The following FHIT variants were observed in gnomAD, a reference collection of about 807,000 sequenced individuals.
FHIT encodes bis(5'-adenosyl)-triphosphatase.
Under a neutral mutation model 17.9 loss-of-function variants are expected in FHIT, and 19 were observed. The observed-to-expected ratio is 1.06, with a 90% CI of 0.74 to 1.56. The LOEUF (loss-of-function observed/expected upper bound fraction) is 1.56. FHIT is among the 40% of genes most tolerant of loss of function. The pLI, the probability that FHIT is intolerant of heterozygous loss-of-function variation, is 0.00. For missense variants in FHIT, 248 were observed against 189.2 expected (o/e 1.31, Z -1.82); for synonymous variants, 81 against 69.7 (o/e 1.16, Z -0.81).
At chr3:60,080,857 C>T (rs1703249690) in intron 5 of FHIT, 1 of 152,094 alleles carries the variant, frequency 6.6e-6, no homozygotes, top group Non-Finnish European at 1.5e-5. Context: ...GATGCAAACA[C>T]TTGGATGAAA....
intron 5 of FHIT, among the ~76,000 whole-genome samples, chr3:60,398,088 C>A (rs185064441): frequency 6.6e-6 from 1 of 151,984 alleles, no homozygotes; most frequent in South Asian, 2.1e-4. Context: ...CCAGTGTCCA[C>A]GAGCCTAATT....
intron 5 of FHIT, among the ~76,000 whole-genome samples, chr3:60,373,031 ATTT>A (rs1700399154): frequency 1.2e-5 from 1 of 84,664 alleles, no homozygotes; most frequent in Non-Finnish European, 3.5e-5. Flanking sequence ...ATCATATGAA[ATTT>A]ATTTATTTAT....
intron 5 of FHIT, among the ~76,000 whole-genome samples, chr3:60,486,637 A>C (rs987964959): frequency 1.3e-5 from 2 of 152,198 alleles, no homozygotes; most frequent in Non-Finnish European, 2.9e-5. Flanking sequence ...TATTGAAGGT[A>C]ATATTCCAGA....
At chr3:61,182,023 C>A (rs1262741553) in intron 2 of FHIT, among the ~76,000 whole-genome samples, 1 of 152,136 alleles carries the variant, frequency 6.6e-6, no homozygotes, top group Non-Finnish European at 1.5e-5. Context: ...GATCCTGGGG[C>A]TACATGCTCC....
chr3:60,257,726 G>A (rs1231710261), intron 5 of FHIT, among the ~76,000 whole-genome samples: 4 of 152,184 alleles, frequency 2.6e-5, no homozygotes, highest in South Asian at 2.1e-4. Context: ...AAAAAGGAAT[G>A]AGATCATGTC....
At chr3:59,918,758 A>C (rs1194280360) in intron 8 of FHIT, among the ~76,000 whole-genome samples, 1 of 152,200 alleles carries the variant, frequency 6.6e-6, no homozygotes, top group Non-Finnish European at 1.5e-5. Context: ...AGTCGTGGCA[A>C]CTGTATAGGC....
chr3:60,246,222 G>T (rs1340253014), intron 5 of FHIT, among the ~76,000 whole-genome samples: 3 of 151,928 alleles, frequency 2.0e-5, no homozygotes, highest in Non-Finnish European at 2.9e-5. Context: ...ATTCTTTTTA[G>T]AACAGTTATA....
chr3:60,655,607 C>T (rs2040097360), intron 4 of FHIT, among the ~76,000 whole-genome samples: 1 of 152,082 alleles, frequency 6.6e-6, no homozygotes, highest in Non-Finnish European at 1.5e-5. Context: ...AGCACATCAC[C>T]TTCATTATCA....
chr3:60,378,100 C>G (rs563095549), intron 5 of FHIT, among the ~76,000 whole-genome samples: 7 of 152,126 alleles, frequency 4.6e-5, no homozygotes, highest in Non-Finnish European at 1.0e-4. Context: ...GATCACGGCT[C>G]ACTGCGAGCT....
At chr3:60,469,782 T>A (rs2032987721) in intron 5 of FHIT, among the ~76,000 whole-genome samples, 1 of 152,216 alleles carries the variant, frequency 6.6e-6, no homozygotes, top group Non-Finnish European at 1.5e-5. Flanking sequence ...TTTCTGCCTA[T>A]CCTTGGGAAG....
chr3:60,782,235 G>GTATATATATA (rs879948599), intron 4 of FHIT, among the ~76,000 whole-genome samples: 37 of 76,218 alleles, frequency 4.9e-4, no homozygotes, highest in African/African-American at 1.6e-3. Context: ...GTGTGTGTGT[G>GTATATATATA]TGTATATATA....
In FHIT at chr3:60,349,707, A is replaced by G. The variant is rs77719998; in HGVS notation, c.103+187153T>C. The stretch of plus-strand genomic sequence containing the variant: ...CTGAGAAAAAGCAATTCAAAGATCA[A>G]TATTTCCTTTTAAATTTTACACAAC... On this transcript the variant is annotated intron_variant, in intron 5 of 9. Coordinates refer to ENST00000492590, the MANE Select transcript of FHIT (RefSeq NM_002012.4). Among the ~76,000 whole-genome samples the G allele has an allele frequency of 3.7e-3, 561 of 152,324 alleles. 5 individuals carry two copies. Among genetic ancestry groups the G allele is most frequent in the African/African-American group, 0.013 (529 of 41,592 alleles).
intron 3 of FHIT, among the ~76,000 whole-genome samples, chr3:60,926,720 G>A (rs1185877539): frequency 6.6e-6 from 1 of 152,174 alleles, no homozygotes; most frequent in Non-Finnish European, 1.5e-5. Flanking sequence ...AGAACTGAAG[G>A]AGATAGAGAC....
At chr3:60,056,018 G>A (rs1032338708) in intron 5 of FHIT, among the ~76,000 whole-genome samples, 11 of 152,144 alleles carry the variant, frequency 7.2e-5, no homozygotes, top group African/African-American at 1.9e-4. Flanking sequence ...TCTCATTTAC[G>A]TCCTTTAAAA....
intron 4 of FHIT, among the ~76,000 whole-genome samples, chr3:60,591,392 TGA>T (rs35583705): frequency 0.35 from 53,397 of 151,670 alleles, 9,519 homozygotes; most frequent in Middle Eastern, 0.51. Flanking sequence ...CTTAACAGAC[TGA>T]GACGTATTTT....
At chr3:59,938,124 A>G (rs1440970608) in intron 7 of FHIT, among the ~76,000 whole-genome samples, 1 of 152,176 alleles carries the variant, frequency 6.6e-6, no homozygotes, top group Non-Finnish European at 1.5e-5. Context: ...AGCATTATCT[A>G]TAGTAGTGAA....
intron 5 of FHIT, among the ~76,000 whole-genome samples, chr3:60,112,418 G>A (rs1216886929): frequency 6.6e-6 from 1 of 152,176 alleles, no homozygotes; most frequent in African/African-American, 2.4e-5. Context: ...TCAGAAGCCT[G>A]ATCATAGCGC....
chr3:61,239,779 A>ATATATATATATATATATATATG (rs1476637388), intron 1 of FHIT, among the ~76,000 whole-genome samples: 3 of 144,292 alleles, frequency 2.1e-5, no homozygotes, highest in East Asian at 2.1e-4. Context: ...ATATATATAT[A>ATATATATATATATATATATATG]TATATACACA....
chr3:60,744,555 G>A (rs1333619373), intron 4 of FHIT, among the ~76,000 whole-genome samples: 1 of 152,144 alleles, frequency 6.6e-6, no homozygotes, highest in Non-Finnish European at 1.5e-5. Context: ...TGTAACAGTA[G>A]AACAACCTTC....
Sources: allele counts gnomAD v4.1 joint callset (sites outside exome capture counted in the v4.1 genomes callset), GRCh38; gene constraint gnomAD v4.1.1; transcripts MANE v1.5; gene names NCBI Gene and HGNC (gene_info 2026-07-23, HGNC 2026-07-21).